The following PLEKHG6 variants were observed in gnomAD, a reference collection of about 807,000 sequenced individuals.
PLEKHG6 encodes pleckstrin homology and RhoGEF domain containing G6, also known as pleckstrin homology domain-containing family G member 6.
Under a neutral mutation model 97.5 loss-of-function variants are expected in PLEKHG6, and 91 were observed. The observed-to-expected ratio is 0.93, with a 90% CI of 0.79 to 1.11. PLEKHG6 has a LOEUF of 1.11. Ranked by LOEUF, PLEKHG6 falls within the 50% of genes most tolerant of loss-of-function variation. The pLI, the probability that PLEKHG6 is intolerant of heterozygous loss-of-function variation, is 0.00. For synonymous variants in PLEKHG6, 466 were observed against 425.5 expected, an observed-to-expected ratio of 1.10 and a Z score of -1.17; for missense variants, 1,044 against 1,031.0, an observed-to-expected ratio of 1.01 and a Z score of -0.17.
intron 15 of PLEKHG6, 66 bp from the exon 16 acceptor site, chr12:6,328,070 C>T: frequency 3.7e-6 from 6 of 1,606,136 alleles, no homozygotes; most frequent in Non-Finnish European, 5.1e-6. Flanking sequence ...CTCTCCGCCT[C>T]ACTCTTCACC....
At position 6,313,767 on chromosome 12, in the gene PLEKHG6, C is replaced by G. The variant is rs1037106208; in HGVS notation, c.277C>G (p.His93Asp). Residue 93 changes from histidine to aspartate, a missense_variant, in exon 3 of 16, where the codon CAC becomes GAC. His to Asp is a moderately conservative substitution (Grantham distance 81). Coordinates refer to ENST00000684764, the MANE Select transcript of PLEKHG6 (RefSeq NM_001384598.1). Reference protein sequence around the residue: ...HGGHVGAGLLHSPKLKELTKA... With the variant: ...HGGHVGAGLLDSPKLKELTKA... ...GGGCCATGTGGGGGCTGGCCTGCTT[C>G]ACTCCCCCAAACTCAAGGTAAGGGG... is the stretch of plus-strand genomic sequence containing the variant. 1 of 1,592,294 alleles carries G rather than the reference C, an allele frequency of 6.3e-7. No homozygotes were observed. The highest frequency in any genetic ancestry group is 8.6e-7 in the Non-Finnish European group (1 of 1,169,386).
chr12:6,310,756 G>C lies in PLEKHG6; in HGVS notation c.-161G>C, dbSNP rs2136704501. 1 of 152,722 alleles carries C rather than the reference G, an allele frequency of 6.5e-6. No homozygotes were observed. The highest frequency in any genetic ancestry group is 2.4e-5 in the African/African-American group (1 of 41,574). The allele number at this position is 152,722 out of a possible 1,614,324, so 9.5% of individuals were successfully genotyped here. On this transcript the variant is annotated 5_prime_UTR_variant, in exon 1 of 16. Coordinates refer to ENST00000684764, the MANE Select transcript of PLEKHG6 (RefSeq NM_001384598.1). ...AGTCCCAGGCTGGGCATCGGGGCTG[G>C]CTGGCATCGCCGGGGAGCCGACGGC...
At chr12:6,311,329 G>A (rs564852160) in intron 1 of PLEKHG6, among the ~76,000 whole-genome samples, 2 of 152,314 alleles carry the variant, frequency 1.3e-5, no homozygotes, top group East Asian at 1.9e-4. Context: ...CCCGAAACTG[G>A]AGAAACTCTA....
Position 6,310,867 on chromosome 12 carries a change from ACGCGGCC to A in PLEKHG6, c.-69+22_-69+28del, listed in dbSNP as rs1410955845. 1.3e-5 allele frequency: 2 copies of A among 150,224 alleles called. No homozygotes were observed. The highest frequency in any genetic ancestry group is 3.9e-4 in the South Asian group (2 of 5,174). 9.3% of individuals were successfully genotyped at this position (150,224 alleles called of 1,614,324 possible). On this transcript the variant is annotated intron_variant, in intron 1 of 15. Coordinates refer to ENST00000684764, the MANE Select transcript of PLEKHG6 (RefSeq NM_001384598.1). ...GGCACAGGTGAGCGGCGGGAGGGCT[ACGCGGCC>A]CGGGGGCGGGGCGGCCGGGACCCGG... is the stretch of plus-strand genomic sequence containing the variant.
Position 6,327,479 on chromosome 12 carries a change from T to TCCCCCCCCCCCCCCC in PLEKHG6, c.1900_1901insCCCCCCCCCCCCCCC (p.Pro633_His634insProProProProPro). ...TGGAACTCCGGGACATCCCTCTGCGTCCCCACCCTCCCGACCCCCAAGCTC... is the reference window on the plus strand; with the variant it reads ...TGGAACTCCGGGACATCCCTCTGCGTCCCCCCCCCCCCCCCCCCCACCCTCCCGACCCCCAAGCTC... On this transcript the variant is annotated inframe_insertion, in exon 15 of 16. Coordinates refer to ENST00000684764, the MANE Select transcript of PLEKHG6 (RefSeq NM_001384598.1). 6.2e-7 allele frequency: 1 copy of TCCCCCCCCCCCCCCC among 1,603,268 alleles called. No individual in the cohort carries two copies. Among genetic ancestry groups the TCCCCCCCCCCCCCCC allele is most frequent in the Non-Finnish European group, 8.5e-7 (1 of 1,171,716 alleles).
At chr12:6,318,662 AC>A (rs1288939088) in intron 11 of PLEKHG6, 82 bp from the exon 12 acceptor site, 1 of 1,472,444 alleles carries the variant, frequency 6.8e-7, no homozygotes, top group Non-Finnish European at 9.4e-7. Context: ...GTGCCTGCGC[AC>A]CATGCCTGAG....
At chr12:6,320,861 A>G (rs545833811) in intron 13 of PLEKHG6, among the ~76,000 whole-genome samples, 22 of 152,090 alleles carry the variant, frequency 1.4e-4, no homozygotes, top group Non-Finnish European at 2.8e-4. Context: ...GGCTGGATAT[A>G]TTTCTGGAAT....
At chr12:6,327,975 AG>A (rs781677418) in intron 15 of PLEKHG6, 29 bp downstream of exon 15, 1 of 1,513,616 alleles carries the variant, frequency 6.6e-7, no homozygotes, top group Admixed American at 2.1e-5. Flanking sequence ...CTGGCCTGGG[AG>A]GGGGCAGACG....
intron 13 of PLEKHG6, among the ~76,000 whole-genome samples, chr12:6,325,419 T>G (rs901893942): frequency 6.6e-6 from 1 of 152,230 alleles, no homozygotes; most frequent in Non-Finnish European, 1.5e-5. Context: ...GTGTATCAAA[T>G]GACCACATGT....
Position 6,327,897 on chromosome 12 carries a change from AG to A in PLEKHG6, c.2316del (p.Met773CysfsTer46). The A allele has an allele frequency of 6.7e-7, 1 of 1,487,266 alleles. No individual in the cohort carries two copies. The highest frequency in any genetic ancestry group is 8.9e-7 in the Non-Finnish European group (1 of 1,119,200). The allele number at this position is 1,487,266 out of a possible 1,614,324, so 92.1% of individuals were successfully genotyped here. On this transcript the variant is annotated frameshift_variant, in exon 15 of 16. Transcript: ENST00000684764. LOFTEE classifies it high-confidence loss of function. ...PRKLTRAQLQ[R>X]MRGPHIIQLD... ...GAAGCTGACTCGGGCCCAGCTGCAGAGGATGCGGGGGCCCCACATCATTCAG... is the reference window on the plus strand; with the variant it reads ...GAAGCTGACTCGGGCCCAGCTGCAGAGATGCGGGGGCCCCACATCATTCAG...
chr12:6,319,884 TG>T (rs770850728), intron 13 of PLEKHG6: 13 of 158,484 alleles, frequency 8.2e-5, no homozygotes, highest in Non-Finnish European at 1.1e-4. Flanking sequence ...AGAATGAAGC[TG>T]GGACAGAGAA....
upstream of PLEKHG6, chr12:6,310,338 C>A (rs1035490802): frequency 6.6e-6 from 1 of 152,418 alleles, no homozygotes; most frequent in Non-Finnish European, 1.5e-5. Flanking sequence ...GCCGGCCACT[C>A]GCCGCGACCA....
chr12:6,314,223 C>CTTGGTA (rs1565455199), intron 3 of PLEKHG6, among the ~76,000 whole-genome samples: 1 of 152,050 alleles, frequency 6.6e-6, no homozygotes, highest in Non-Finnish European at 1.5e-5. Flanking sequence ...GTAAAATGGG[C>CTTGGTA]CGGGCGTGGT....
rs1411490701 is a variant in PLEKHG6 at position 6,312,351 on chromosome 12, G to T, written c.125G>T (p.Gly42Val). 1.9e-6 allele frequency: 3 copies of T among 1,585,160 alleles called. No individual in the cohort carries two copies. The Admixed American group carries it at 5.5e-5, about 29-fold the overall frequency. ...ACTGCTGGCAGACTCTATCCCCGAG[G>T]ATACCCTGTGCTGGTGAGTCCAGGC... ...QSTAGRLYPR[G>V]YPVLDPSRRR... is the part of the protein sequence containing the mutation. Residue 42 changes from glycine (G) to valine (V), a missense_variant, in exon 2 of 16, where the codon GGA (glycine) becomes GTA (valine). Coordinates refer to ENST00000684764, the MANE Select transcript of PLEKHG6 (RefSeq NM_001384598.1).
At position 6,327,780 on chromosome 12, in the gene PLEKHG6, A is replaced by G. The variant is rs758035047; in HGVS notation, c.2197A>G (p.Met733Val). Residue 733 changes from methionine to valine, a missense_variant, in exon 15 of 16, where the codon ATG becomes GTG. Physicochemically the swap from Met to Val is conservative, Grantham distance 21. Transcript: ENST00000684764. The stretch of plus-strand genomic sequence containing the variant: ...AGCTGGCCACACATCCCTGCGCCCA[A>G]TGCGGGCTGAGGACATGCTCAGAGA... ...LKAGHTSLRPMRAEDMLREIR... is the reference protein window; with the variant it reads ...LKAGHTSLRPVRAEDMLREIR... The G allele has an allele frequency of 7.2e-6, 11 of 1,528,924 alleles. No homozygotes were observed. The highest frequency in any genetic ancestry group is 2.2e-5 in the Admixed American group (1 of 45,740). 94.7% of individuals were successfully genotyped at this position (1,528,924 alleles called of 1,614,324 possible).
At chr12:6,319,559 G>T in intron 13 of PLEKHG6, 1 of 1,534,506 alleles carries the variant, frequency 6.5e-7, no homozygotes, top group Non-Finnish European at 8.7e-7. Context: ...TGGACAATCT[G>T]ATGTGCCCCA....
intron 3 of PLEKHG6, among the ~76,000 whole-genome samples, chr12:6,314,612 CTAAGT>C (rs1947388377): frequency 6.6e-6 from 1 of 152,190 alleles, no homozygotes; most frequent in South Asian, 2.1e-4. Context: ...CACTGGTTCT[CTAAGT>C]CTTGTTCTGA....
At chr12:6,312,020 C>T (rs1230503036) in intron 1 of PLEKHG6, 139 bp from the exon 2 acceptor site, 5 of 473,544 alleles carry the variant, frequency 1.1e-5, no homozygotes, top group Non-Finnish European at 1.8e-5. Context: ...CCATGTTCCC[C>T]CCAACAAGTG....
chr12:6,315,978 G>A lies in PLEKHG6; in HGVS notation c.606+59G>A. On this transcript the variant is annotated intron_variant, in intron 6 of 15. Coordinates refer to ENST00000684764, the MANE Select transcript of PLEKHG6 (RefSeq NM_001384598.1). The surrounding 1 kb of genome is among the most constrained non-coding windows in gnomAD (Gnocchi z 4.5). ...GCCCGACCTCTGAGCCTGGGGATGAGGGTGGGCCCTCCAGCCATCCCTGTC... is the reference window on the plus strand; with the variant it reads ...GCCCGACCTCTGAGCCTGGGGATGAAGGTGGGCCCTCCAGCCATCCCTGTC... 6.9e-7 allele frequency: 1 copy of A among 1,442,326 alleles called. No homozygotes were observed. The highest frequency in any genetic ancestry group is 9.5e-7 in the Non-Finnish European group (1 of 1,056,038). The allele number at this position is 1,442,326 out of a possible 1,614,324, so 89.3% of individuals were successfully genotyped here.
Sources: allele counts gnomAD v4.1 joint callset (sites outside exome capture counted in the v4.1 genomes callset), GRCh38; gene constraint gnomAD v4.1.1; non-coding constraint Gnocchi (gnomAD v3.1); transcripts MANE v1.5; gene names NCBI Gene and HGNC (gene_info 2026-07-23, HGNC 2026-07-21).